DRG2: variants seen among roughly 807,000 people sequenced by gnomAD.
The protein encoded by DRG2 is developmentally-regulated GTP-binding protein 2.
In DRG2, 36 loss-of-function variants were observed where a neutral mutation model predicts 53.4. That is an observed-to-expected ratio of 0.67 (90% CI 0.52 to 0.89). The LOEUF (loss-of-function observed/expected upper bound fraction) is 0.89. Among genes scored for constraint, DRG2 ranks in the 40% least tolerant of loss-of-function variants. DRG2 has a pLI of 0.00. For synonymous variants in DRG2, 167 were observed against 192.1 expected (o/e 0.87, Z 1.08); for missense variants, 342 against 481.2 (o/e 0.71, Z 2.71).
In DRG2 at chr17:18,103,241, A is replaced by G. The variant is rs915807803; in HGVS notation, c.807-560A>G. 2.0e-5 allele frequency among the ~76,000 whole-genome samples: 3 copies of G among 152,006 alleles called. No individual in the cohort carries two copies. The highest frequency in any genetic ancestry group is 4.4e-5 in the Non-Finnish European group (3 of 67,984). On this transcript the variant is annotated intron_variant, in intron 9 of 12. Transcript: ENST00000225729. This position sits in a 1 kb window ranked among gnomAD's most constrained non-coding sequence, Gnocchi z 4.4. ...GACACAGCTCGGGGTCACGGCGCAA[A>G]CCTTCAAGCCACGGTCCACCCAGTA...
chr17:18,094,153 T>C (rs949385857), intron 2 of DRG2, 180 bp downstream of exon 2: 3 of 771,820 alleles, frequency 3.9e-6, no homozygotes, highest in Non-Finnish European at 5.9e-6. Flanking sequence ...CTCTTTCCTC[T>C]TGCCAGCAGA....
chr17:18,106,984 C>T (rs2045651448), intron 12 of DRG2, among the ~76,000 whole-genome samples, 170 bp from the exon 13 acceptor site: 1 of 152,192 alleles, frequency 6.6e-6, no homozygotes, highest in African/African-American at 2.4e-5. Flanking sequence ...CCTGGCCCTC[C>T]CCAACCTTTG....
At position 18,103,927 on chromosome 17, in the gene DRG2, C is replaced by T. The variant is rs1317991780; in HGVS notation, c.895+38C>T. The T allele has an allele frequency of 4.4e-6, 7 of 1,600,160 alleles. No individual in the cohort carries two copies. Among genetic ancestry groups the T allele is most frequent in the Non-Finnish European group, 8.6e-7 (1 of 1,167,728 alleles). On this transcript the variant is annotated intron_variant, in intron 10 of 12. Coordinates refer to ENST00000225729, the MANE Select transcript of DRG2 (RefSeq NM_001388.5). The surrounding 1 kb of genome is among the most constrained non-coding windows in gnomAD (Gnocchi z 4.4). ...GCGCGTAGCTGAAAAACAGGCTGAG[C>T]TTCATCCCTAGAAGGCTGCCAGGCC...
chr17:18,094,547 C>T (rs867389258), intron 2 of DRG2, among the ~76,000 whole-genome samples: 6 of 152,236 alleles, frequency 3.9e-5, no homozygotes, highest in Middle Eastern at 6.8e-3. Flanking sequence ...GGCAGGTGCT[C>T]GCTTGGTGTG....
In DRG2 at chr17:18,099,566, G is replaced by T. The variant is rs2045491414; in HGVS notation, c.377-67G>T. The T allele has an allele frequency of 6.6e-7, 1 of 1,518,928 alleles. No homozygotes were observed. Among genetic ancestry groups the T allele is most frequent in the South Asian group, 1.2e-5 (1 of 83,430 alleles). 94.1% of individuals were successfully genotyped at this position (1,518,928 alleles called of 1,614,324 possible). A position where few individuals can be genotyped will look rare whatever the true frequency, so the allele number is the denominator to read the frequency against. ...AGGTCTGTAAAGGACAGGAGTCCAG[G>T]GCGCCGTGGGCTGGGTAGCAGTCAC... On this transcript the variant is annotated intron_variant, in intron 4 of 12. Transcript: ENST00000225729. The surrounding 1 kb of genome is among the most constrained non-coding windows in gnomAD (Gnocchi z 4.4).
At chr17:18,106,241 C>T (rs2045627570) in intron 11 of DRG2, 192 bp from the exon 12 acceptor site, 3 of 614,384 alleles carry the variant, frequency 4.9e-6, no homozygotes, top group Non-Finnish European at 5.9e-6. Context: ...GCAGGGCCAC[C>T]TGCAGCTGTG....
Position 18,106,505 on chromosome 17 carries a change from A to G in DRG2, c.1008+19A>G. Reference sequence around the variant, plus strand: ...GGTGTGGGTGAGTCTCTGGGTGGAAAGCAACCAGGGGGGTAGACCCAGGAC... The same window carrying G: ...GGTGTGGGTGAGTCTCTGGGTGGAAGGCAACCAGGGGGGTAGACCCAGGAC... On this transcript the variant is annotated intron_variant, in intron 12 of 12. Transcript: ENST00000225729. 6.2e-7 allele frequency: 1 copy of G among 1,613,746 alleles called. No individual in the cohort carries two copies. The highest frequency in any genetic ancestry group is 1.7e-5 in the Admixed American group (1 of 59,994).
chr17:18,094,327 G>T, intron 2 of DRG2: 1 of 181,028 alleles, frequency 5.5e-6, no homozygotes. Context: ...TTCTTGAAGA[G>T]AAAGGACAGT....
intron 11 of DRG2, among the ~76,000 whole-genome samples, chr17:18,105,119 A>G (rs2045606171): frequency 6.6e-6 from 1 of 152,138 alleles, no homozygotes; most frequent in Non-Finnish European, 1.5e-5. Flanking sequence ...TGGGTCTGGC[A>G]GTGAAGAGTT....
At position 18,098,934 on chromosome 17, in the gene DRG2, C is replaced by A; in HGVS notation, c.316-83C>A. On this transcript the variant is annotated intron_variant, in intron 3 of 12. Transcript: ENST00000225729. This position sits in a 1 kb window ranked among gnomAD's most constrained non-coding sequence, Gnocchi z 4.1. ...TCCCTCAGCCCCTGAGCCCCGGGGC[C>A]ATTCCAGATGTCCCAGATCCAGACA... The A allele has an allele frequency of 6.6e-7, 1 of 1,520,214 alleles. No homozygotes were observed. Among genetic ancestry groups the A allele is most frequent in the South Asian group, 1.1e-5 (1 of 87,574 alleles). 94.2% of individuals were successfully genotyped at this position (1,520,214 alleles called of 1,614,324 possible). A position where few individuals can be genotyped will look rare whatever the true frequency, so the allele number is the denominator to read the frequency against.
Position 18,099,564 on chromosome 17 carries a change from A to G in DRG2, c.377-69A>G. 6.6e-7 allele frequency: 1 copy of G among 1,514,222 alleles called. No individual in the cohort carries two copies. Among genetic ancestry groups the G allele is most frequent in the Non-Finnish European group, 9.0e-7 (1 of 1,112,652 alleles). 93.8% of individuals were successfully genotyped at this position (1,514,222 alleles called of 1,614,324 possible). ...GTAGGTCTGTAAAGGACAGGAGTCCAGGGCGCCGTGGGCTGGGTAGCAGTC... is the reference window on the plus strand; with the variant it reads ...GTAGGTCTGTAAAGGACAGGAGTCCGGGGCGCCGTGGGCTGGGTAGCAGTC... On this transcript the variant is annotated intron_variant, in intron 4 of 12. Transcript: ENST00000225729. The surrounding 1 kb of genome is among the most constrained non-coding windows in gnomAD (Gnocchi z 4.4).
Position 18,107,739 on chromosome 17 carries a change from G to A in DRG2, c.*499G>A. ...GCCCCACACAGGGCTCTCCATGATG[G>A]GAACCAGTGGTTAGTGGCTTCAAAG... On this transcript the variant is annotated 3_prime_UTR_variant, in exon 13 of 13. Coordinates refer to ENST00000225729, the MANE Select transcript of DRG2 (RefSeq NM_001388.5). 5.8e-6 allele frequency: 1 copy of A among 172,204 alleles called. No individual in the cohort carries two copies. Among genetic ancestry groups the A allele is most frequent in the East Asian group, 1.5e-4 (1 of 6,594 alleles). 10.7% of individuals were successfully genotyped at this position (172,204 alleles called of 1,614,324 possible). A position where few individuals can be genotyped will look rare whatever the true frequency, so the allele number is the denominator to read the frequency against.
Position 18,099,601 on chromosome 17 carries a change from C to A in DRG2, c.377-32C>A. ...GCTGGGTAGCAGTCACATGGGTCCACATATGTAACTGCATCCCTCACACCC... is the reference window on the plus strand; with the variant it reads ...GCTGGGTAGCAGTCACATGGGTCCAAATATGTAACTGCATCCCTCACACCC... On this transcript the variant is annotated intron_variant, in intron 4 of 12. Coordinates refer to ENST00000225729, the MANE Select transcript of DRG2 (RefSeq NM_001388.5). The surrounding 1 kb of genome is among the most constrained non-coding windows in gnomAD (Gnocchi z 4.4). 1 of 1,580,326 alleles carries A rather than the reference C, an allele frequency of 6.3e-7. No homozygotes were observed. Among genetic ancestry groups the A allele is most frequent in the Non-Finnish European group, 8.6e-7 (1 of 1,163,712 alleles).
rs1336269912 is a variant in DRG2 at position 18,100,883 on chromosome 17, G to A, written c.631+224G>A. ...TCCTCACCAAGTACTGGGCACTGTG[G>A]TAGCCAGATGACATCCGGAAGAAAA... On this transcript the variant is annotated intron_variant, in intron 7 of 12. Transcript: ENST00000225729. This position sits in a 1 kb window ranked among gnomAD's most constrained non-coding sequence, Gnocchi z 4.1. Among the ~76,000 whole-genome samples, 1 of 152,170 alleles carries A rather than the reference G, an allele frequency of 6.6e-6. No homozygotes were observed. The highest frequency in any genetic ancestry group is 1.5e-5 in the Non-Finnish European group (1 of 68,028).
rs765487914 is a variant in DRG2, at chr17:18,101,954, G to C, written c.763G>C (p.Glu255Gln). Reference protein sequence around the residue: ...YNKIDQISMEEVDRLARKPNS... With the variant: ...YNKIDQISMEQVDRLARKPNS... Reference sequence around the variant, plus strand: ...CAAAATCGACCAGATCTCCATGGAAGAGGTGGACCGCCTGGCCCGAAAACC... The same window carrying C: ...CAAAATCGACCAGATCTCCATGGAACAGGTGGACCGCCTGGCCCGAAAACC... Residue 255 changes from glutamate (E) to glutamine (Q), a missense_variant, in exon 9 of 13, where the codon GAG becomes CAG. Transcript: ENST00000225729. 1 of 1,612,730 alleles carries C rather than the reference G, an allele frequency of 6.2e-7. No individual in the cohort carries two copies.
At chr17:18,097,990 T>G in intron 2 of DRG2, 1 of 278,014 alleles carries the variant, frequency 3.6e-6, no homozygotes, top group Non-Finnish European at 7.0e-6. Context: ...AGGCTCCTGA[T>G]GTATATGGGG....
At position 18,103,615 on chromosome 17, in the gene DRG2, A is replaced by G. The variant is rs1458354757; in HGVS notation, c.807-186A>G. 6.6e-6 allele frequency among the ~76,000 whole-genome samples: 1 copy of G among 152,224 alleles called. No homozygotes were observed. Among genetic ancestry groups the G allele is most frequent in the Non-Finnish European group, 1.5e-5 (1 of 68,034 alleles). On this transcript the variant is annotated intron_variant, in intron 9 of 12. Transcript: ENST00000225729. This position sits in a 1 kb window ranked among gnomAD's most constrained non-coding sequence, Gnocchi z 4.4. ...CTGACCCTGGTTGAGTGTGACCATG[A>G]TTGGTGCCCAGAGGCACTGGCAGCA...
chr17:18,094,131 A>G, intron 2 of DRG2, 158 bp downstream of exon 2: 5 of 937,434 alleles, frequency 5.3e-6, no homozygotes, highest in Middle Eastern at 3.4e-4. Context: ...TATCATCCTA[A>G]CATGGAGGAC....
chr17:18,091,523 T>C (rs1597715606), intron 1 of DRG2, among the ~76,000 whole-genome samples: 2 of 150,028 alleles, frequency 1.3e-5, no homozygotes, highest in South Asian at 4.2e-4. Context: ...GAGGTGGAGG[T>C]TGTAGTGAGC....
Sources: gnomAD v4.1 joint callset for allele counts (sites outside exome capture counted in the v4.1 genomes callset) on GRCh38, gnomAD v4.1.1 for gene constraint, Gnocchi (gnomAD v3.1) non-coding constraint, MANE v1.5 for transcripts, NCBI Gene and HGNC (gene_info 2026-07-23, HGNC 2026-07-21) for gene names.